The following MEPE variants were observed in gnomAD, a reference collection of about 807,000 sequenced individuals.
MEPE encodes the protein matrix, extracellular phosphoglycoprotein with ASARM motif (bone).
In MEPE, 7 loss-of-function variants were observed where a neutral mutation model predicts 7.3. That is an observed-to-expected ratio of 0.95 (90% confidence interval 0.54 to 1.79). The LOEUF (loss-of-function observed/expected upper bound fraction) is 1.79. Ranked by LOEUF, MEPE falls within the 40% of genes most tolerant of loss-of-function variation. The probability of loss-of-function intolerance (pLI) is 0.00; values close to 1 mark genes in which losing one functional copy is unlikely to be tolerated. For synonymous variants in MEPE, 214 were observed against 213.1 expected, an observed-to-expected ratio of 1.00 and a Z score of -0.04; for missense variants, 623 against 628.2, an observed-to-expected ratio of 0.99 and a Z score of 0.09.
At chr4:87,838,299 G>A (rs1578058689) in intron 2 of MEPE, among the ~76,000 whole-genome samples, 1 of 152,024 alleles carries the variant, frequency 6.6e-6, no homozygotes, top group Non-Finnish European at 1.5e-5. Context: ...TTTTTCAGTG[G>A]ATTCTGATGG....
chr4:87,838,476 A>G (rs975389165), intron 2 of MEPE, among the ~76,000 whole-genome samples, 156 bp from the exon 3 acceptor site: 3 of 152,208 alleles, frequency 2.0e-5, no homozygotes, highest in African/African-American at 7.2e-5. Flanking sequence ...ATATTATATT[A>G]ATGCGATGAG....
intron 3 of MEPE, chr4:87,839,744 G>C: frequency 6.5e-7 from 1 of 1,550,186 alleles, no homozygotes; most frequent in Non-Finnish European, 8.7e-7. Context: ...GTGTTTACAT[G>C]TCACCTGAGA....
Position 87,845,060 on chromosome 4 carries a change from T to G in MEPE, c.192T>G (p.Ile64Met), listed in dbSNP as rs1157281746. The G allele has an allele frequency of 6.2e-7, 1 of 1,612,998 alleles. No individual in the cohort carries two copies. Among genetic ancestry groups the G allele is most frequent in the South Asian group, 1.1e-5 (1 of 90,742 alleles). Residue 64 changes from isoleucine to methionine, a missense_variant, in exon 4 of 4, where the codon ATT (isoleucine) becomes ATG (methionine). Ile to Met is a conservative substitution (Grantham distance 10). Transcript: ENST00000361056. ...AAGAGCTATCATCTAAAGAAAATATTGTCCAGGAAAGAAAGAAAGATTTGT... is the reference window on the plus strand; with the variant it reads ...AAGAGCTATCATCTAAAGAAAATATGGTCCAGGAAAGAAAGAAAGATTTGT... The part of the protein sequence containing the change: ...INQELSSKEN[I>M]VQERKKDLSL...
In MEPE at chr4:87,845,484, A is replaced by G. The variant is rs115322331; in HGVS notation, c.616A>G (p.Ser206Gly). The G allele has an allele frequency of 3.4e-3, 5,419 of 1,613,824 alleles. 21 individuals are homozygous for G. Among genetic ancestry groups the G allele is most frequent in the Non-Finnish European group, 3.8e-3 (4,435 of 1,179,946 alleles). ...KPQRDSQAQK[S>G]PVKSKSTHRI... ...TCAAAGAGATTCCCAAGCCCAGAAA[A>G]GTCCAGTAAAAAGCAAAAGCACCCA... Residue 206 changes from serine (S) to glycine (G), a missense_variant, in exon 4 of 4, where the codon AGT (serine) becomes GGT (glycine). By Grantham distance (56) the Ser-to-Gly change is moderately conservative. Coordinates refer to ENST00000361056, the MANE Select transcript of MEPE (RefSeq NM_020203.6).
chr4:87,846,241 G>C lies in MEPE; in HGVS notation c.1373G>C (p.Ser458Thr), dbSNP rs952550039. Residue 458 changes from serine to threonine, a missense_variant, in exon 4 of 4, where the codon AGT becomes ACT. By Grantham distance (58) the Ser-to-Thr change is moderately conservative. Transcript: ENST00000361056. ...GAAATGGATTCCTTTAATGGCCCCA[G>C]TCATGAGAATATAATAACACATGGC... ...KNEMDSFNGP[S>T]HENIITHGRK... is the part of the protein sequence containing the mutation. 6.2e-7 allele frequency: 1 copy of C among 1,614,050 alleles called. No homozygotes were observed. Among genetic ancestry groups the C allele is most frequent in the African/African-American group, 1.3e-5 (1 of 75,038 alleles).
intron 1 of MEPE, among the ~76,000 whole-genome samples, chr4:87,833,580 A>C (rs2109995034): frequency 6.6e-6 from 1 of 152,274 alleles, no homozygotes; most frequent in Non-Finnish European, 1.5e-5. Context: ...TTGCAAGAAT[A>C]TTTAGATTAT....
rs768327031 is a variant in MEPE, at chr4:87,845,904, A to G, written c.1036A>G (p.Asn346Asp). The change falls in exon 4 of 4, where the codon AAT (asparagine) becomes GAT (aspartate). Residue 346 changes from asparagine to aspartate, a missense_variant. Asn to Asp is a conservative substitution (Grantham distance 23). Coordinates refer to ENST00000361056, the MANE Select transcript of MEPE (RefSeq NM_020203.6). Reference sequence around the variant, plus strand: ...CAGCAACGATATCATGGGTAGTACCAATTTTAAGGAGCTCCCTGGAAGAGA... The same window carrying G: ...CAGCAACGATATCATGGGTAGTACCGATTTTAAGGAGCTCCCTGGAAGAGA... ...EGSNDIMGST[N>D]FKELPGREGN... 3 of 1,614,016 alleles carry G rather than the reference A, an allele frequency of 1.9e-6. No homozygotes were observed. The highest frequency in any genetic ancestry group is 2.5e-6 in the Non-Finnish European group (3 of 1,179,974).
intron 3 of MEPE, chr4:87,839,675 G>A (rs1240241237): frequency 1.3e-6 from 2 of 1,543,142 alleles, no homozygotes; most frequent in Admixed American, 2.0e-5. Flanking sequence ...ATAATGTTGT[G>A]TTTTTGTAGA....
At chr4:87,839,855 A>G (rs879788236) in intron 3 of MEPE, 478 of 1,544,300 alleles carry the variant, frequency 3.1e-4, no homozygotes, top group Non-Finnish European at 3.6e-4. Flanking sequence ...TAGGGGAGGC[A>G]AAGTTTACTT....
chr4:87,825,582 A>G (rs13117929), intron 1 of MEPE, among the ~76,000 whole-genome samples: 49,842 of 152,198 alleles, frequency 0.33, 8,484 homozygotes, highest in Admixed American at 0.35. Flanking sequence ...TAACTGTGCA[A>G]CAGTCCCAGG....
At position 87,845,193 on chromosome 4, in the gene MEPE, C is replaced by T. The variant is rs1398806468; in HGVS notation, c.325C>T (p.His109Tyr). The T allele has an allele frequency of 1.2e-6, 2 of 1,613,808 alleles. No homozygotes were observed. The highest frequency in any genetic ancestry group is 2.7e-5 in the African/African-American group (2 of 74,884). ...TAGTATCAGTAACAAAGAGAATACT[C>T]ACAATGGCCTGAGGATGTCAATTTA... ...EYSISNKENTHNGLRMSIYPK... is the reference protein window; with the variant it reads ...EYSISNKENTYNGLRMSIYPK... The change falls in exon 4 of 4, where the codon CAC (histidine) becomes TAC (tyrosine). Residue 109 changes from histidine (H) to tyrosine (Y), a missense_variant. Transcript: ENST00000361056.
At position 87,845,045 on chromosome 4, in the gene MEPE, A is replaced by G. The variant is rs141864614; in HGVS notation, c.177A>G (p.Ser59=). The change falls in exon 4 of 4, where the codon TCA becomes TCG. Residue 59 remains serine, a synonymous_variant. Transcript: ENST00000361056. ...GCAAGAGAATAAATCAAGAGCTATCATCTAAAGAAAATATTGTCCAGGAAA... is the reference window on the plus strand; with the variant it reads ...GCAAGAGAATAAATCAAGAGCTATCGTCTAAAGAAAATATTGTCCAGGAAA... ...HLGKRINQEL[S]SKENIVQERK... 4.7e-4 allele frequency: 765 copies of G among 1,612,294 alleles called. 6 individuals are homozygous for G. In the South Asian group the frequency reaches 5.1e-3, roughly 11 times the overall value.
rs770571814 is a variant in MEPE at position 87,839,655 on chromosome 4, G to A, written c.108+970G>A. ...AAAACTTCTTTGTAAGAGATAAAAC[G>A]TGCCTCAATATAATGTTGTGTTTTT... On this transcript the variant is annotated intron_variant, in intron 3 of 3. Transcript: ENST00000361056. 6.1e-6 allele frequency: 9 copies of A among 1,475,132 alleles called. No individual in the cohort carries two copies. The South Asian group carries it at 6.1e-5, about 10-fold the overall frequency. The allele number at this position is 1,475,132 out of a possible 1,614,324, so 91.4% of individuals were successfully genotyped here.
Position 87,845,822 on chromosome 4 carries a change from A to C in MEPE, c.954A>C (p.Gly318=). The C allele has an allele frequency of 6.2e-7, 1 of 1,613,994 alleles. No homozygotes were observed. Among genetic ancestry groups the C allele is most frequent in the African/African-American group, 1.3e-5 (1 of 75,026 alleles). The change falls in exon 4 of 4, where the codon GGA becomes GGC. Residue 318 remains glycine (G), a synonymous_variant. Coordinates refer to ENST00000361056, the MANE Select transcript of MEPE (RefSeq NM_020203.6). ...EREENGGNTI[G]TRDETAKEAD... ...AAGAAAATGGTGGAAATACCATTGG[A>C]ACTAGGGATGAAACTGCGAAAGAGG...
chr4:87,826,741 T>C (rs1722480398), intron 1 of MEPE, among the ~76,000 whole-genome samples: 1 of 152,152 alleles, frequency 6.6e-6, no homozygotes, highest in Non-Finnish European at 1.5e-5. Flanking sequence ...TAATGATCAG[T>C]GGGGATGTTG....
In MEPE at chr4:87,846,491, A is replaced by G; in HGVS notation, c.*45A>G. 1 of 1,569,630 alleles carries G rather than the reference A, an allele frequency of 6.4e-7. No individual in the cohort carries two copies. The highest frequency in any genetic ancestry group is 8.6e-7 in the Non-Finnish European group (1 of 1,160,322). On this transcript the variant is annotated 3_prime_UTR_variant, in exon 4 of 4. Coordinates refer to ENST00000361056, the MANE Select transcript of MEPE (RefSeq NM_020203.6). ...GGGGTGACAGTCTGAAGACCTCGTCACCTGTGAGTTGATGTAGAGGAGAGC... is the reference window on the plus strand; with the variant it reads ...GGGGTGACAGTCTGAAGACCTCGTCGCCTGTGAGTTGATGTAGAGGAGAGC...
At chr4:87,830,477 A>T (rs2109991850), upstream of MEPE, among the ~76,000 whole-genome samples, 1 of 152,316 alleles carries the variant, frequency 6.6e-6, no homozygotes, top group South Asian at 2.1e-4. Flanking sequence ...CTAACGCAGG[A>T]ACAGAAAACC....
chr4:87,846,605 C>A lies in MEPE; in HGVS notation c.*159C>A. 2.8e-6 allele frequency: 2 copies of A among 710,844 alleles called. No homozygotes were observed. Among genetic ancestry groups the A allele is most frequent in the East Asian group, 5.3e-5 (2 of 37,460 alleles). 44.0% of individuals were successfully genotyped at this position (710,844 alleles called of 1,614,324 possible). The stretch of plus-strand genomic sequence containing the variant: ...GTCTCCTTGGGGGAATTTTTGCTAT[C>A]TTAATAGTCACAGTATAAAATTCTA... On this transcript the variant is annotated 3_prime_UTR_variant, in exon 4 of 4. Transcript: ENST00000361056.
chr4:87,838,715 C>T (rs1722894565), intron 3 of MEPE, 30 bp downstream of exon 3: 1 of 1,593,076 alleles, frequency 6.3e-7, no homozygotes, highest in Non-Finnish European at 8.6e-7. Flanking sequence ...TCAAATAACT[C>T]TATTTCAGCT....
Sources: gnomAD v4.1 joint callset for allele counts (sites outside exome capture counted in the v4.1 genomes callset) on GRCh38, gnomAD v4.1.1 for gene constraint, MANE v1.5 for transcripts, NCBI Gene and HGNC (gene_info 2026-07-23, HGNC 2026-07-21) for gene names.